Variants in TACR1 observed in about 807,000 individuals in gnomAD.
TACR1 encodes the protein tachykinin receptor 1.
TACR1 carries 25 observed loss-of-function variants against 35.8 expected under a neutral mutation model. That is an observed-to-expected ratio of 0.70 (90% CI 0.51 to 0.98). The LOEUF (loss-of-function observed/expected upper bound fraction) is 0.98. Ranked by LOEUF, TACR1 falls within the 50% of genes least tolerant of loss-of-function variation. TACR1 has a pLI of 0.00. For missense variants in TACR1, 478 were observed against 522.9 expected (o/e 0.91, Z 0.84); for synonymous variants, 195 against 206.7 (o/e 0.94, Z 0.48).
rs986493223 is a variant in TACR1 at position 75,047,071 on chromosome 2, G to T, written c.*2361C>A. ...GACTGGGTCAGAGGAAGGCTTGCTG[G>T]CACTGTCCAAGCAGATGCTTTGCCA... On this transcript the variant is annotated 3_prime_UTR_variant, in exon 5 of 5. Coordinates refer to ENST00000305249, the MANE Select transcript of TACR1 (RefSeq NM_001058.4). The T allele has an allele frequency of 3.3e-5, 5 of 152,230 alleles. No individual in the cohort carries two copies. The highest frequency in any genetic ancestry group is 1.2e-4 in the African/African-American group (5 of 41,422). The allele number at this position is 152,230 out of a possible 1,614,324, so 9.4% of individuals were successfully genotyped here.
chr2:75,106,726 G>A (rs1402902576), intron 2 of TACR1, among the ~76,000 whole-genome samples: 1 of 151,528 alleles, frequency 6.6e-6, no homozygotes, highest in African/African-American at 2.4e-5. Flanking sequence ...ATGGAAGTAG[G>A]GAATATTTTT....
In TACR1 at chr2:75,179,404, C is replaced by T. The variant is rs190354707; in HGVS notation, c.389+19142G>A. ...CTCCTAACTGGTCTTCCTGCTTCCACTTTTGGCCCCTTACTGTCCATTTGC... is the reference window on the plus strand; with the variant it reads ...CTCCTAACTGGTCTTCCTGCTTCCATTTTTGGCCCCTTACTGTCCATTTGC... On this transcript the variant is annotated intron_variant, in intron 1 of 4. Coordinates refer to ENST00000305249, the MANE Select transcript of TACR1 (RefSeq NM_001058.4). Among the ~76,000 whole-genome samples, 5 of 152,306 alleles carry T rather than the reference C, an allele frequency of 3.3e-5. No individual in the cohort carries two copies. In the East Asian group the frequency reaches 9.6e-4, roughly 29 times the overall value.
At chr2:75,171,759 C>T (rs1014256342) in intron 1 of TACR1, among the ~76,000 whole-genome samples, 2 of 152,184 alleles carry the variant, frequency 1.3e-5, no homozygotes, top group Non-Finnish European at 2.9e-5. Flanking sequence ...GCCTGTAGCC[C>T]TTTTGTTTTG....
At chr2:75,094,859 A>ATATATATGTAT in intron 2 of TACR1, among the ~76,000 whole-genome samples, 4 of 113,134 alleles carry the variant, frequency 3.5e-5, no homozygotes, top group African/African-American at 1.9e-4. Flanking sequence ...ATATATATAT[A>ATATATATGTAT]TTTTTTTTTT....
intron 1 of TACR1, among the ~76,000 whole-genome samples, chr2:75,145,732 A>G (rs1674496474): frequency 6.6e-6 from 1 of 152,264 alleles, no homozygotes; most frequent in Non-Finnish European, 1.5e-5. Context: ...TAAGCAAAGA[A>G]GCATTACATG....
chr2:75,154,454 TGAAGAAACCCAGTGGAGATTCAGCA>T (rs1674777263), intron 1 of TACR1: 5 of 54,080 alleles, frequency 9.2e-5, no homozygotes, highest in Middle Eastern at 0.011. Flanking sequence ...ACACACACTC[TGAAGAAACCCAGTGGAGATTCAGCA>T]CTAACCCACC....
chr2:75,068,222 A>G (rs1192962781), intron 2 of TACR1, among the ~76,000 whole-genome samples: 1 of 152,182 alleles, frequency 6.6e-6, no homozygotes, highest in Non-Finnish European at 1.5e-5. Flanking sequence ...AACTCAGGTA[A>G]GAGTTGATGT....
At chr2:75,169,355 G>T (rs1290814012) in intron 1 of TACR1, among the ~76,000 whole-genome samples, 1 of 152,110 alleles carries the variant, frequency 6.6e-6, no homozygotes, top group Non-Finnish European at 1.5e-5. Context: ...AAAAGGATGT[G>T]ATGGTTCTAC....
chr2:75,188,188 G>A (rs2104072536), intron 1 of TACR1: 1 of 152,302 alleles, frequency 6.6e-6, no homozygotes, highest in Admixed American at 6.5e-5. Flanking sequence ...GGACTATTTA[G>A]AAGAGTATCT....
intron 2 of TACR1, among the ~76,000 whole-genome samples, chr2:75,057,254 T>C (rs1361446007): frequency 1.3e-5 from 2 of 152,170 alleles, no homozygotes; most frequent in East Asian, 1.9e-4. Flanking sequence ...TCATCCTGGC[T>C]CAAAAGCTCC....
At chr2:75,052,360 ACTAG>A (rs1254394630) in intron 3 of TACR1, among the ~76,000 whole-genome samples, 2 of 152,338 alleles carry the variant, frequency 1.3e-5, no homozygotes, top group East Asian at 3.9e-4. Flanking sequence ...CCTTTCAGCC[ACTAG>A]AGCTGTGAGA....
In TACR1 at chr2:75,049,188, T is replaced by TAAA. The variant is rs1672419031; in HGVS notation, c.*243_*244insTTT. ...TTTGGGAAAAGCTGGTCCGACCTTT[T>TAAA]ATTTTACAGGCTCAGCAAAGTTCAG... On this transcript the variant is annotated 3_prime_UTR_variant, in exon 5 of 5. Coordinates refer to ENST00000305249, the MANE Select transcript of TACR1 (RefSeq NM_001058.4). 4.0e-6 allele frequency: 2 copies of TAAA among 498,716 alleles called. No homozygotes were observed. The highest frequency in any genetic ancestry group is 3.8e-5 in the African/African-American group (2 of 52,286). The allele number at this position is 498,716 out of a possible 1,614,324, so 30.9% of individuals were successfully genotyped here. A position where few individuals can be genotyped will look rare whatever the true frequency, so the allele number is the denominator to read the frequency against.
intron 2 of TACR1, among the ~76,000 whole-genome samples, chr2:75,115,374 C>G (rs1673831277): frequency 6.6e-6 from 1 of 152,080 alleles, no homozygotes; most frequent in Non-Finnish European, 1.5e-5. Context: ...AACAGGAACT[C>G]TCACACATTG....
intron 1 of TACR1, among the ~76,000 whole-genome samples, chr2:75,134,758 C>T (rs1674246708): frequency 6.6e-6 from 1 of 152,174 alleles, no homozygotes; most frequent in Admixed American, 6.5e-5. Context: ...TTCATTGAAT[C>T]CCCATGGCAC....
chr2:75,179,371 C>G (rs1675505776), intron 1 of TACR1, among the ~76,000 whole-genome samples: 1 of 152,194 alleles, frequency 6.6e-6, no homozygotes, highest in Admixed American at 6.5e-5. Context: ...GGGGTCACCA[C>G]AGGAGAGCTC....
At chr2:75,197,714 C>T (rs12329178) in intron 1 of TACR1, among the ~76,000 whole-genome samples, 19 of 152,078 alleles carry the variant, frequency 1.2e-4, no homozygotes, top group Non-Finnish European at 1.3e-4. Flanking sequence ...TGTTGGTTGC[C>T]GGAACAGAAG....
At chr2:75,119,689 G>A (rs1232566725) in intron 2 of TACR1, among the ~76,000 whole-genome samples, 2 of 152,174 alleles carry the variant, frequency 1.3e-5, no homozygotes, top group Non-Finnish European at 2.9e-5. Context: ...TGTCTGCCCT[G>A]TCAGGGACCT....
Position 75,047,008 on chromosome 2 carries a change from G to A in TACR1, c.*2424C>T, listed in dbSNP as rs1672381312. ...CAAATCATGGTGTTTCTTACATGTG[G>A]GAGTTGATGACATTTTTATAAGTTA... On this transcript the variant is annotated 3_prime_UTR_variant, in exon 5 of 5. Transcript: ENST00000305249. The A allele has an allele frequency of 6.6e-6, 1 of 152,200 alleles. No individual in the cohort carries two copies. Among genetic ancestry groups the A allele is most frequent in the Non-Finnish European group, 1.5e-5 (1 of 68,062 alleles). The allele number at this position is 152,200 out of a possible 1,614,324, so 9.4% of individuals were successfully genotyped here.
At chr2:75,173,310 T>C (rs775743360) in intron 1 of TACR1, among the ~76,000 whole-genome samples, 2 of 152,232 alleles carry the variant, frequency 1.3e-5, no homozygotes, top group African/African-American at 2.4e-5. Flanking sequence ...TTGCTGAGTA[T>C]TATATTGCAA....
Sources: allele counts gnomAD v4.1 joint callset (sites outside exome capture counted in the v4.1 genomes callset), GRCh38; gene constraint gnomAD v4.1.1; transcripts MANE v1.5; gene names NCBI Gene and HGNC (gene_info 2026-07-23, HGNC 2026-07-21).